Variants in RAB20 observed in about 807,000 individuals in gnomAD.
The protein encoded by RAB20 is ras-related protein Rab-20.
RAB20 carries 2 observed loss-of-function variants against 3.7 expected under a neutral mutation model. The observed-to-expected ratio is 0.54, with a 90% CI of 0.22 to 1.69. The LOEUF (loss-of-function observed/expected upper bound fraction) is 1.69. Among genes scored for constraint, RAB20 ranks in the 40% most tolerant of loss-of-function variants. The pLI, the probability that RAB20 is intolerant of heterozygous loss-of-function variation, is 0.19. For synonymous variants in RAB20, 126 were observed against 130.8 expected (o/e 0.96, Z 0.25); for missense variants, 276 against 311.9 (o/e 0.88, Z 0.87).
chr13:110,533,990 T>C (rs58927807), intron 1 of RAB20, among the ~76,000 whole-genome samples: 61,813 of 152,110 alleles, frequency 0.41, 13,060 homozygotes, highest in African/African-American at 0.52. Flanking sequence ...AGAGAGCCAA[T>C]GGCTTGCCAG....
intron 1 of RAB20, among the ~76,000 whole-genome samples, chr13:110,557,757 G>C (rs770245853): frequency 6.6e-6 from 1 of 152,244 alleles, no homozygotes; most frequent in African/African-American, 2.4e-5. Context: ...TCAAGGGCCA[G>C]GTGCTGGGGA....
At chr13:110,551,904 G>A (rs1267308597) in intron 1 of RAB20, among the ~76,000 whole-genome samples, 3 of 119,398 alleles carry the variant, frequency 2.5e-5, no homozygotes, top group African/African-American at 9.6e-5. Context: ...AACATACTGA[G>A]ACCCCTGTCT....
Position 110,538,682 on chromosome 13 carries a change from A to G in RAB20, c.173-14485T>C, listed in dbSNP as rs1192539432. 2.0e-5 allele frequency among the ~76,000 whole-genome samples: 3 copies of G among 152,140 alleles called. No individual in the cohort carries two copies. The East Asian group carries it at 5.8e-4, about 29-fold the overall frequency. ...GCTGAGCAAACCCAAAAGTCAAGCT[A>G]TGCATCAAGAGCAAAATGCCTGAAT... On this transcript the variant is annotated intron_variant, in intron 1 of 1. Transcript: ENST00000267328.
At position 110,555,848 on chromosome 13, in the gene RAB20, C is replaced by A. The variant is rs547178739; in HGVS notation, c.172+5500G>T. 1.3e-5 allele frequency among the ~76,000 whole-genome samples: 2 copies of A among 152,208 alleles called. No individual in the cohort carries two copies. Among genetic ancestry groups the A allele is most frequent in the African/African-American group, 4.8e-5 (2 of 41,446 alleles). On this transcript the variant is annotated intron_variant, in intron 1 of 1. Coordinates refer to ENST00000267328, the MANE Select transcript of RAB20 (RefSeq NM_017817.3). This position sits in a 1 kb window ranked among gnomAD's most constrained non-coding sequence, Gnocchi z 4.0. ...TGCCCCCAGCCTTCCCTCCTCTCGC[C>A]GTGGCCTCCCCATTTATTAGAGACT... is the stretch of plus-strand genomic sequence containing the variant.
intron 1 of RAB20, among the ~76,000 whole-genome samples, chr13:110,543,778 T>A (rs200094785): frequency 2.5e-5 from 3 of 118,374 alleles, no homozygotes; most frequent in Admixed American, 8.3e-5. Flanking sequence ...TGGGTTATTT[T>A]TTTTTTTTTT....
intron 1 of RAB20, among the ~76,000 whole-genome samples, chr13:110,524,792 G>A (rs9521819): frequency 0.086 from 13,088 of 152,226 alleles, 621 homozygotes; most frequent in Middle Eastern, 0.11. Flanking sequence ...ACAGCACCCT[G>A]CGGTGCTCAC....
intron 1 of RAB20, among the ~76,000 whole-genome samples, chr13:110,556,040 G>C (rs893328414): frequency 3.9e-5 from 6 of 152,194 alleles, no homozygotes; most frequent in Non-Finnish European, 2.9e-5. Context: ...AGTGTTAACT[G>C]GCTGACTCCT....
intron 1 of RAB20, among the ~76,000 whole-genome samples, chr13:110,543,773 T>TG (rs60236311): frequency 0.26 from 38,553 of 147,816 alleles, 5,188 homozygotes; most frequent in East Asian, 0.35. Context: ...AAATGTGGGT[T>TG]ATTTTTTTTT....
intron 1 of RAB20, among the ~76,000 whole-genome samples, chr13:110,539,292 C>T (rs188096289): frequency 4.5e-4 from 69 of 152,188 alleles, no homozygotes; most frequent in Admixed American, 4.6e-4. Flanking sequence ...AAATAAAAAT[C>T]AGTATTGCAG....
At chr13:110,539,233 G>A (rs77121369) in intron 1 of RAB20, among the ~76,000 whole-genome samples, 3,562 of 152,210 alleles carry the variant, frequency 0.023, 147 homozygotes, top group African/African-American at 0.082. Flanking sequence ...CATAAAGGAG[G>A]ATGATTACTT....
rs1039702718 is a variant in RAB20 at position 110,537,048 on chromosome 13, C to T, written c.173-12851G>A. ...CCAGGCTGGAGTGCAGTGGTGCAAT[C>T]GTAGCTCATTGCAGCTGTGACCTCC... is the stretch of plus-strand genomic sequence containing the variant. On this transcript the variant is annotated intron_variant, in intron 1 of 1. Transcript: ENST00000267328. 6.5e-4 allele frequency among the ~76,000 whole-genome samples: 99 copies of T among 151,238 alleles called. 1 individual carries two copies. The highest frequency in any genetic ancestry group is 2.2e-3 in the African/African-American group (90 of 41,038).
chr13:110,561,410 AC>A lies in RAB20; in HGVS notation c.109del (p.Val37TrpfsTer7). 1 of 1,609,650 alleles carries A rather than the reference AC, an allele frequency of 6.2e-7. No individual in the cohort carries two copies. Among genetic ancestry groups the A allele is most frequent in the Non-Finnish European group, 8.5e-7 (1 of 1,178,032 alleles). On this transcript the variant is annotated frameshift_variant, in exon 1 of 2. Transcript: ENST00000267328. LOFTEE classifies it high-confidence loss of function. Reference protein sequence around the residue: ...ERRFPDTVSTVGGAFYLKQWR... With the variant: ...ERRFPDTVSTXGGAFYLKQWR... ...CTGCTTCAGGTAGAAGGCGCCGCCC[AC>A]CGTGCTGACCGTGTCCGGGAAGCGC...
chr13:110,550,187 C>A (rs1359017291), intron 1 of RAB20, among the ~76,000 whole-genome samples: 1 of 152,144 alleles, frequency 6.6e-6, no homozygotes, highest in East Asian at 1.9e-4. Flanking sequence ...CACAAGGGCA[C>A]CCCAACTCTG....
intron 1 of RAB20, among the ~76,000 whole-genome samples, chr13:110,531,118 T>C (rs1057140655): frequency 6.6e-6 from 1 of 152,176 alleles, no homozygotes; most frequent in African/African-American, 2.4e-5. Context: ...CCCTTTCCCA[T>C]GTTTTACAGG....
At chr13:110,538,025 A>T (rs1421778416) in intron 1 of RAB20, among the ~76,000 whole-genome samples, 2 of 152,218 alleles carry the variant, frequency 1.3e-5, no homozygotes, top group Non-Finnish European at 2.9e-5. Flanking sequence ...GGATCGTTTC[A>T]GCCTAGGAGT....
intron 1 of RAB20, among the ~76,000 whole-genome samples, chr13:110,546,611 C>T (rs774843713): frequency 4.6e-5 from 7 of 152,026 alleles, no homozygotes; most frequent in East Asian, 1.9e-4. Context: ...GGCCACTAAG[C>T]GTGTGTCATG....
intron 1 of RAB20, among the ~76,000 whole-genome samples, chr13:110,524,888 T>C (rs1427618858): frequency 6.6e-6 from 1 of 152,194 alleles, no homozygotes; most frequent in Non-Finnish European, 1.5e-5. Context: ...TCGCACTTCT[T>C]GTGGGTGCCG....
At chr13:110,559,839 C>G (rs551014049) in intron 1 of RAB20, among the ~76,000 whole-genome samples, 2 of 152,296 alleles carry the variant, frequency 1.3e-5, no homozygotes, top group African/African-American at 4.8e-5. Context: ...ATGCAGGGGC[C>G]GTTCCAGCAC....
chr13:110,558,293 G>A (rs545854094), intron 1 of RAB20, among the ~76,000 whole-genome samples: 1 of 151,804 alleles, frequency 6.6e-6, no homozygotes. Context: ...AGTGGCAAGT[G>A]CCCCCTAAAA....
Sources: gnomAD v4.1 joint callset for allele counts (sites outside exome capture counted in the v4.1 genomes callset) on GRCh38, gnomAD v4.1.1 for gene constraint, Gnocchi (gnomAD v3.1) non-coding constraint, MANE v1.5 for transcripts, NCBI Gene and HGNC (gene_info 2026-07-23, HGNC 2026-07-21) for gene names.